The following CUX2 variants were observed in gnomAD, a reference collection of about 807,000 sequenced individuals.
The protein encoded by CUX2 is homeobox protein cut-like 2.
CUX2 carries 40 observed loss-of-function variants against 144.8 expected under a neutral mutation model. The observed-to-expected ratio is 0.28, with a 90% CI of 0.21 to 0.36. CUX2 has a LOEUF of 0.36. CUX2 is among the 10% of genes least tolerant of loss of function. CUX2 has a pLI of 1.00. For missense variants in CUX2, 1,615 were observed against 1,994.0 expected, an observed-to-expected ratio of 0.81 and a Z score of 3.62; for synonymous variants, 827 against 875.6, an observed-to-expected ratio of 0.94 and a Z score of 0.98.
At chr12:111,218,683 T>G (rs114712226) in intron 3 of CUX2, among the ~76,000 whole-genome samples, 1,985 of 152,240 alleles carry the variant, frequency 0.013, 56 homozygotes, top group African/African-American at 0.046. Flanking sequence ...GCCTTGCAGA[T>G]AAGTCCACAC....
At chr12:111,100,269 G>T (rs1188870952) in intron 1 of CUX2, among the ~76,000 whole-genome samples, 1 of 152,074 alleles carries the variant, frequency 6.6e-6, no homozygotes, top group Non-Finnish European at 1.5e-5. Flanking sequence ...CCCTTTGTGT[G>T]TCCAGCTCGA....
At position 111,310,436 on chromosome 12, in the gene CUX2, C is replaced by G; in HGVS notation, c.1654C>G (p.Gln552Glu). 6.2e-7 allele frequency: 1 copy of G among 1,612,758 alleles called. No homozygotes were observed. Among genetic ancestry groups the G allele is most frequent in the East Asian group, 2.2e-5 (1 of 44,876 alleles). Reference sequence around the variant, plus strand: ...GGCGGGGCCCGGGGCAGAGGAGGAGCAGCTGGACACGGCAGAGATCGCCTT... The same window carrying G: ...GGCGGGGCCCGGGGCAGAGGAGGAGGAGCTGGACACGGCAGAGATCGCCTT... ...GAAGPGAEEE[Q>E]LDTAEIAFQV... Residue 552 changes from glutamine to glutamate, a missense_variant, in exon 15 of 22, where the codon CAG becomes GAG. Physicochemically the swap from Gln to Glu is conservative, Grantham distance 29 (BLOSUM62 2). Transcript: ENST00000261726. This position sits in a 1 kb window ranked among gnomAD's most constrained non-coding sequence, Gnocchi z 7.9.
intron 1 of CUX2, among the ~76,000 whole-genome samples, chr12:111,080,223 C>T (rs1343185071): frequency 1.3e-5 from 2 of 152,110 alleles, no homozygotes; most frequent in Admixed American, 6.5e-5. Flanking sequence ...GCTTCTCCAG[C>T]CACCCTGACT....
At chr12:111,297,274 A>G (rs1406620888) in intron 8 of CUX2, among the ~76,000 whole-genome samples, 1 of 151,594 alleles carries the variant, frequency 6.6e-6, no homozygotes, top group Non-Finnish European at 1.5e-5. Flanking sequence ...CCTCCTTCTG[A>G]TCCTCCAGGA....
intron 1 of CUX2, among the ~76,000 whole-genome samples, chr12:111,148,499 A>C (rs912478596): frequency 2.6e-5 from 4 of 152,198 alleles, no homozygotes; most frequent in Non-Finnish European, 4.4e-5. Flanking sequence ...AGAACTGTAC[A>C]TTTAAATATG....
intron 1 of CUX2, among the ~76,000 whole-genome samples, chr12:111,093,942 A>C (rs894446952): frequency 6.6e-6 from 1 of 152,250 alleles, no homozygotes; most frequent in African/African-American, 2.4e-5. Context: ...TGTGATCCGC[A>C]GGAGCCAATT....
chr12:111,184,586 A>C (rs1172971016), intron 1 of CUX2, among the ~76,000 whole-genome samples: 5 of 151,138 alleles, frequency 3.3e-5, no homozygotes, highest in Admixed American at 2.0e-4. Flanking sequence ...AAAAAAAAAA[A>C]AAAAAAAAAA....
intron 1 of CUX2, among the ~76,000 whole-genome samples, chr12:111,150,725 G>C (rs1876991572): frequency 6.8e-6 from 1 of 147,224 alleles, no homozygotes; most frequent in Admixed American, 6.8e-5. Context: ...GATCCTTCCA[G>C]AGCTGCCCAA....
chr12:111,214,895 G>A (rs928321835), intron 2 of CUX2, among the ~76,000 whole-genome samples: 3 of 152,132 alleles, frequency 2.0e-5, no homozygotes, highest in Non-Finnish European at 2.9e-5. Flanking sequence ...GAACAGACTA[G>A]AACAGACAAG....
At chr12:111,243,886 T>C (rs750179226) in intron 3 of CUX2, among the ~76,000 whole-genome samples, 7 of 152,184 alleles carry the variant, frequency 4.6e-5, no homozygotes, top group African/African-American at 7.2e-5. Flanking sequence ...TGTATGTGTG[T>C]GTGCATGTGT....
At chr12:111,173,803 A>G (rs1256808453) in intron 1 of CUX2, among the ~76,000 whole-genome samples, 1 of 152,192 alleles carries the variant, frequency 6.6e-6, no homozygotes, top group East Asian at 1.9e-4. Flanking sequence ...AGAGTTTCTG[A>G]TTCAGTAGGT....
At chr12:111,043,845 C>T (rs1323096290) in intron 1 of CUX2, among the ~76,000 whole-genome samples, 2 of 152,198 alleles carry the variant, frequency 1.3e-5, no homozygotes, top group South Asian at 2.1e-4. Context: ...TACATACTCA[C>T]GAGACAGAAA....
At chr12:111,167,364 G>A (rs1312640893) in intron 1 of CUX2, among the ~76,000 whole-genome samples, 1 of 152,104 alleles carries the variant, frequency 6.6e-6, no homozygotes, top group Non-Finnish European at 1.5e-5. Flanking sequence ...TCTCGGTTCT[G>A]TAGCTTGTGC....
At chr12:111,100,286 C>T (rs1052146352) in intron 1 of CUX2, among the ~76,000 whole-genome samples, 4 of 151,880 alleles carry the variant, frequency 2.6e-5, no homozygotes, top group Non-Finnish European at 4.4e-5. Context: ...TCGATGTATG[C>T]GTGGCCTGTG....
chr12:111,344,124 G>A (rs76684432), intron 21 of CUX2, among the ~76,000 whole-genome samples: 1,973 of 152,282 alleles, frequency 0.013, 44 homozygotes, highest in African/African-American at 0.046. Flanking sequence ...AATAACAAAT[G>A]ACATAGGTCC....
rs187705177 is a variant in CUX2, at chr12:111,077,702, A to G, written c.63+43462A>G. ...AGGATGGAGGCCAGCTTTATTTACA[A>G]GAGTGTTTGTTTTTTGGGGGCCATA... On this transcript the variant is annotated intron_variant, in intron 1 of 21. Coordinates refer to ENST00000261726, the MANE Select transcript of CUX2 (RefSeq NM_015267.4). The surrounding 1 kb of genome is among the most constrained non-coding windows in gnomAD (Gnocchi z 4.1). Among the ~76,000 whole-genome samples the G allele has an allele frequency of 2.0e-5, 3 of 152,260 alleles. No individual in the cohort carries two copies. In the East Asian group the frequency reaches 5.8e-4, roughly 29 times the overall value.
intron 1 of CUX2, among the ~76,000 whole-genome samples, chr12:111,164,805 T>C (rs775682307): frequency 9.2e-5 from 14 of 152,114 alleles, no homozygotes; most frequent in Non-Finnish European, 2.1e-4. Flanking sequence ...GCTAACAGTG[T>C]GATGTTACAG....
intron 1 of CUX2, among the ~76,000 whole-genome samples, chr12:111,058,604 TCTCTC>T (rs1452489035): frequency 3.9e-5 from 6 of 151,922 alleles, no homozygotes; most frequent in African/African-American, 1.4e-4. Context: ...AGGGAGCAAT[TCTCTC>T]ATCTCAGATA....
In CUX2 at chr12:111,310,387, C is replaced by A. The variant is rs773342605; in HGVS notation, c.1605C>A (p.Pro535=). 8 of 1,604,696 alleles carry A rather than the reference C, an allele frequency of 5.0e-6. No homozygotes were observed. The South Asian group carries it at 6.6e-5, about 13-fold the overall frequency. ...CTGAGCCACTGGGCGGTCCTGAGCC[C>A]GCGGATGGTGGTGGGGGCGGAGCGG... is the stretch of plus-strand genomic sequence containing the variant. The part of the protein sequence containing the change: ...PGPEPLGGPE[P]ADGGGGGAAG... The change falls in exon 15 of 22, where the codon CCC becomes CCA. Residue 535 remains proline (P), a synonymous_variant. Coordinates refer to ENST00000261726, the MANE Select transcript of CUX2 (RefSeq NM_015267.4). The surrounding 1 kb of genome is among the most constrained non-coding windows in gnomAD (Gnocchi z 7.9).
Sources: allele counts gnomAD v4.1 joint callset (sites outside exome capture counted in the v4.1 genomes callset), GRCh38; gene constraint gnomAD v4.1.1; non-coding constraint Gnocchi (gnomAD v3.1); transcripts MANE v1.5; gene names NCBI Gene and HGNC (gene_info 2026-07-23, HGNC 2026-07-21).